The following AHCTF1 variants were observed in gnomAD, a reference collection of about 807,000 sequenced individuals.
The protein encoded by AHCTF1 is protein ELYS.
A neutral mutation model predicts 248.4 loss-of-function variants in AHCTF1; 24 were observed. That is an observed-to-expected ratio of 0.10 (90% CI 0.07 to 0.14). The LOEUF (loss-of-function observed/expected upper bound fraction) is 0.14. Ranked by LOEUF, AHCTF1 falls within the 10% of genes least tolerant of loss-of-function variation. The pLI, the probability that AHCTF1 is intolerant of heterozygous loss-of-function variation, is 1.00. For missense variants in AHCTF1, 2,206 were observed against 2,636.2 expected, an observed-to-expected ratio of 0.84 and a Z score of 3.57; for synonymous variants, 786 against 929.8, an observed-to-expected ratio of 0.85 and a Z score of 2.81.
intron 19 of AHCTF1, 123 bp downstream of exon 19, chr1:246,888,054 C>A (rs558198692): frequency 4.0e-6 from 4 of 1,010,054 alleles, no homozygotes; most frequent in East Asian, 2.6e-5. Flanking sequence ...TGGGTTAACA[C>A]CTCTTCTTAA....
chr1:246,876,879 T>C (rs1292471810), intron 23 of AHCTF1, 71 bp downstream of exon 23: 11 of 1,559,992 alleles, frequency 7.1e-6, no homozygotes, highest in East Asian at 2.2e-5. Flanking sequence ...TAAGCTCTTA[T>C]ATAACAACCA....
chr1:246,872,921 C>T (rs114745981), intron 24 of AHCTF1, among the ~76,000 whole-genome samples: 23 of 152,274 alleles, frequency 1.5e-4, no homozygotes, highest in East Asian at 1.2e-3. Flanking sequence ...ACCTAGAGAC[C>T]GGGTTCACCT....
At position 246,850,375 on chromosome 1, in the gene AHCTF1, T is replaced by A; in HGVS notation, c.5631A>T (p.Arg1877Ser). The A allele has an allele frequency of 6.2e-7, 1 of 1,612,140 alleles. No individual in the cohort carries two copies. The highest frequency in any genetic ancestry group is 8.5e-7 in the Non-Finnish European group (1 of 1,179,404). Residue 1877 changes from arginine (R) to serine (S), a missense_variant, in exon 33 of 36, where the codon AGA (arginine) becomes AGT (serine). Around this residue, in one of 6 missense-constraint regions of AHCTF1, gnomAD observed 469 missense variants for 470.0 expected, o/e 1.00. Transcript: ENST00000648844. The stretch of plus-strand genomic sequence containing the variant: ...CAACACTTTCCTGATTTTCTACAGA[T>A]CTTTTAATTCTTCTAGGAGTCCTTT... ...VTKRTPRRIK[R>S]SVENQESVEI...
At chr1:246,916,013 C>T (rs1006555263) in intron 3 of AHCTF1, 129 bp downstream of exon 3, 18 of 1,111,672 alleles carry the variant, frequency 1.6e-5, no homozygotes, top group East Asian at 1.0e-4. Flanking sequence ...AAGAGTAACA[C>T]ATTTACATAA....
chr1:246,929,923 G>GCA (rs1558290720), intron 1 of AHCTF1, among the ~76,000 whole-genome samples: 2 of 151,966 alleles, frequency 1.3e-5, no homozygotes, highest in African/African-American at 4.8e-5. Context: ...GTGGTGGCGT[G>GCA]CGCCTGTAAT....
intron 35 of AHCTF1, among the ~76,000 whole-genome samples, chr1:246,842,073 G>A (rs1425093392): frequency 1.3e-5 from 2 of 151,438 alleles, no homozygotes; most frequent in East Asian, 1.9e-4. Context: ...GATTACAGGC[G>A]TGAGCCACCA....
At chr1:246,908,090 C>T (rs1311111765) in intron 4 of AHCTF1, among the ~76,000 whole-genome samples, 1 of 151,896 alleles carries the variant, frequency 6.6e-6, no homozygotes, top group Non-Finnish European at 1.5e-5. Flanking sequence ...GAACTACTAC[C>T]TAAATACCTT....
Position 246,850,960 on chromosome 1 carries a change from T to C in AHCTF1, c.5046A>G (p.Lys1682=), listed in dbSNP as rs1483864420. The C allele has an allele frequency of 3.7e-6, 6 of 1,613,866 alleles. No homozygotes were observed. The highest frequency in any genetic ancestry group is 4.2e-6 in the Non-Finnish European group (5 of 1,179,852). ...LLDVIKDTRS[K]EITSDTMEQS... is the part of the protein sequence containing the mutation. ...GTTCCATTGTATCTGAAGTAATTTC[T>C]TTACTTCTTGTGTCTTTAATTACAT... The change falls in exon 33 of 36, where the codon AAA becomes AAG. Residue 1682 remains lysine, a synonymous_variant. Coordinates refer to ENST00000648844, the MANE Select transcript of AHCTF1 (RefSeq NM_001323342.2).
At chr1:246,898,180 G>C (rs1163474874) in intron 12 of AHCTF1, 28 bp downstream of exon 12, 5 of 1,609,578 alleles carry the variant, frequency 3.1e-6, no homozygotes, top group African/African-American at 2.7e-5. Flanking sequence ...CCAACCAAAA[G>C]AAACAATAGA....
Position 246,857,483 on chromosome 1 carries a change from G to A in AHCTF1, c.4256+208C>T, listed in dbSNP as rs75046282. On this transcript the variant is annotated intron_variant, in intron 30 of 35. Transcript: ENST00000648844. ...CACCAGAGTTCTGCCTCAATTTACC[G>A]TGTCTCTGTATATTTCCGAAACTTT... Among the ~76,000 whole-genome samples the A allele has an allele frequency of 3.3e-3, 509 of 152,212 alleles. 3 individuals carry two copies. Among genetic ancestry groups the A allele is most frequent in the African/African-American group, 0.012 (485 of 41,512 alleles).
Position 246,851,059 on chromosome 1 carries a change from T to G in AHCTF1, c.4947A>C (p.Gln1649His). Residue 1649 changes from glutamine (Q) to histidine (H), a missense_variant, in exon 33 of 36, where the codon CAA becomes CAC. Physicochemically the swap from Gln to His is conservative, Grantham distance 24. This residue lies in a region of AHCTF1 where 955 missense variants were observed against 1,055.6 expected (regional missense o/e 0.90). Coordinates refer to ENST00000648844, the MANE Select transcript of AHCTF1 (RefSeq NM_001323342.2). Reference sequence around the variant, plus strand: ...GTAAAGTGTCTACTTTTTGGGACTTTTGGTCACTAGTTACGGCAGATGGCA... The same window carrying G: ...GTAAAGTGTCTACTTTTTGGGACTTGTGGTCACTAGTTACGGCAGATGGCA... ...ANLPSAVTSD[Q>H]KSQKVDTLPY... 1 of 1,613,946 alleles carries G rather than the reference T, an allele frequency of 6.2e-7. No homozygotes were observed. Among genetic ancestry groups the G allele is most frequent in the Non-Finnish European group, 8.5e-7 (1 of 1,179,862 alleles).
chr1:246,914,597 T>C (rs1477960192), intron 3 of AHCTF1, among the ~76,000 whole-genome samples: 1 of 152,238 alleles, frequency 6.6e-6, no homozygotes. Flanking sequence ...TAAGTTTACA[T>C]TCCTCATAAA....
At chr1:246,889,297 T>G (rs1317510024) in intron 17 of AHCTF1, among the ~76,000 whole-genome samples, 1 of 152,180 alleles carries the variant, frequency 6.6e-6, no homozygotes, top group East Asian at 1.9e-4. Flanking sequence ...GATTTCCTTT[T>G]CTAATTGTGA....
At chr1:246,852,696 CTT>C (rs1402854233) in intron 32 of AHCTF1, among the ~76,000 whole-genome samples, 1 of 152,094 alleles carries the variant, frequency 6.6e-6, no homozygotes, top group African/African-American at 2.4e-5. Flanking sequence ...CAAAAATTAA[CTT>C]GATAAAACTA....
chr1:246,881,752 C>T (rs1363956797), intron 21 of AHCTF1, among the ~76,000 whole-genome samples: 2 of 148,856 alleles, frequency 1.3e-5, no homozygotes, highest in South Asian at 2.2e-4. Context: ...GCAGGAGAAT[C>T]GCTTGAACCT....
chr1:246,842,846 C>G (rs1424039225), intron 34 of AHCTF1, 70 bp from the exon 35 acceptor site: 3 of 1,358,998 alleles, frequency 2.2e-6, no homozygotes, highest in Non-Finnish European at 3.1e-6. Flanking sequence ...TATCCTGAGA[C>G]AAGGAATACT....
intron 27 of AHCTF1, among the ~76,000 whole-genome samples, chr1:246,862,436 C>T (rs6672861): frequency 0.18 from 26,913 of 151,238 alleles, 4,117 homozygotes; most frequent in African/African-American, 0.42. Flanking sequence ...GCCGAGATTG[C>T]GCCACTGCAC....
At chr1:246,853,519 C>A (rs929806990) in intron 31 of AHCTF1, among the ~76,000 whole-genome samples, 1 of 152,100 alleles carries the variant, frequency 6.6e-6, no homozygotes, top group Non-Finnish European at 1.5e-5. Context: ...AACTGATAAA[C>A]GGTATCAGGA....
intron 21 of AHCTF1, among the ~76,000 whole-genome samples, chr1:246,884,632 G>A (rs1036810097): frequency 2.0e-5 from 3 of 149,622 alleles, no homozygotes; most frequent in African/African-American, 7.4e-5. Flanking sequence ...TTCCAATCAT[G>A]CCATTTAGCT....
Sources: gnomAD v4.1 joint callset for allele counts (sites outside exome capture counted in the v4.1 genomes callset) on GRCh38, gnomAD v4.1.1 for gene constraint, gnomAD v4.1.1 regional missense constraint, MANE v1.5 for transcripts, NCBI Gene and HGNC (gene_info 2026-07-23, HGNC 2026-07-21) for gene names.